The following PRKAR1B variants were observed in gnomAD, a reference collection of about 807,000 sequenced individuals.
PRKAR1B encodes the protein protein kinase cAMP-dependent type I regulatory subunit beta.
In PRKAR1B, 22 loss-of-function variants were observed where a neutral mutation model predicts 46.5. The observed-to-expected ratio is 0.47, with a 90% CI of 0.34 to 0.68. PRKAR1B has a LOEUF of 0.68. Ranked by LOEUF, PRKAR1B falls within the 30% of genes least tolerant of loss-of-function variation. The probability of loss-of-function intolerance (pLI) is 0.01; values close to 1 mark genes in which losing one functional copy is unlikely to be tolerated. For missense variants in PRKAR1B, 445 were observed against 535.6 expected (o/e 0.83, Z 1.67); for synonymous variants, 259 against 217.7 (o/e 1.19, Z -1.67).
intron 9 of PRKAR1B, among the ~76,000 whole-genome samples, chr7:556,618 G>A (rs573972567): frequency 5.4e-4 from 83 of 152,336 alleles, no homozygotes; most frequent in African/African-American, 1.8e-3. Context: ...CGAGGCGTCC[G>A]CGTTCATCCC....
rs1482082230 is a variant in PRKAR1B at position 667,372 on chromosome 7, G to C, written c.440+9857C>G. On this transcript the variant is annotated intron_variant, in intron 4 of 10. Coordinates refer to ENST00000537384, the MANE Select transcript of PRKAR1B (RefSeq NM_001164760.2). This position sits in a 1 kb window ranked among gnomAD's most constrained non-coding sequence, Gnocchi z 4.3. ...TCAGAGAATGTTATTACTTATAAAT[G>C]ACATCCACAACTCTCTCCTTCCAAA... 6.6e-6 allele frequency among the ~76,000 whole-genome samples: 1 copy of C among 152,154 alleles called. No homozygotes were observed. The highest frequency in any genetic ancestry group is 2.4e-5 in the African/African-American group (1 of 41,424).
chr7:668,012 C>T (rs1562601704), intron 4 of PRKAR1B, among the ~76,000 whole-genome samples: 1 of 152,188 alleles, frequency 6.6e-6, no homozygotes, highest in Non-Finnish European at 1.5e-5. Context: ...TATGTATCTC[C>T]CACACTGTTA....
At chr7:555,432 G>T (rs1257334827) in intron 9 of PRKAR1B, among the ~76,000 whole-genome samples, 1 of 152,224 alleles carries the variant, frequency 6.6e-6, no homozygotes, top group African/African-American at 2.4e-5. Context: ...GAAATCGGCA[G>T]CATAATTACC....
chr7:580,762 A>G (rs949690010), intron 8 of PRKAR1B, among the ~76,000 whole-genome samples: 1 of 149,432 alleles, frequency 6.7e-6, no homozygotes, highest in African/African-American at 2.4e-5. Flanking sequence ...AAAAAAAAAA[A>G]ACAAACGTTT....
rs180833417 is a variant in PRKAR1B, at chr7:689,808, T to C, written c.178-9082A>G. ...CATTCTCCTGCCTCAGCCTCTCGAG[T>C]AGCTGGGACTACAGGCACCCACCAC... On this transcript the variant is annotated intron_variant, in intron 2 of 10. Transcript: ENST00000537384. Among the ~76,000 whole-genome samples the C allele has an allele frequency of 4.0e-3, 603 of 151,914 alleles. 6 individuals carry two copies. The highest frequency in any genetic ancestry group is 7.1e-3 in the Non-Finnish European group (479 of 67,942).
chr7:561,143 ACACAC>A (rs200016235), intron 9 of PRKAR1B, among the ~76,000 whole-genome samples: 225 of 151,610 alleles, frequency 1.5e-3, no homozygotes, highest in African/African-American at 5.0e-3. Context: ...ACACACACAC[ACACAC>A]ACCTGTGCAC....
intron 2 of PRKAR1B, among the ~76,000 whole-genome samples, chr7:706,052 G>A (rs547035873): frequency 3.0e-4 from 45 of 152,114 alleles, no homozygotes; most frequent in African/African-American, 9.4e-4. Context: ...TGAGCCGGGC[G>A]TGGTGGCTCA....
intron 2 of PRKAR1B, among the ~76,000 whole-genome samples, chr7:684,151 C>T (rs1341893660): frequency 2.8e-5 from 4 of 143,754 alleles, no homozygotes; most frequent in African/African-American, 1.0e-4. Flanking sequence ...CCTCTGTGTA[C>T]ACCAATGCCC....
At chr7:709,350 CAT>C (rs977716972) in intron 2 of PRKAR1B, among the ~76,000 whole-genome samples, 2 of 149,572 alleles carry the variant, frequency 1.3e-5, no homozygotes, top group Non-Finnish European at 3.0e-5. Flanking sequence ...TGTGTGTATG[CAT>C]GTGTGTGTGT....
At chr7:620,114 A>T (rs1783036077) in intron 4 of PRKAR1B, among the ~76,000 whole-genome samples, 1 of 151,408 alleles carries the variant, frequency 6.6e-6, no homozygotes, top group South Asian at 2.1e-4. Context: ...TCAGCCTCCC[A>T]AAGTGCTGGG....
intron 4 of PRKAR1B, among the ~76,000 whole-genome samples, chr7:625,956 C>T (rs527624014): frequency 2.9e-4 from 43 of 145,818 alleles, no homozygotes; most frequent in African/African-American, 9.7e-4. Context: ...TGCAGTGAGC[C>T]GAGATCGCGC....
intron 2 of PRKAR1B, among the ~76,000 whole-genome samples, chr7:703,732 A>C (rs1236628733): frequency 2.0e-5 from 3 of 152,032 alleles, no homozygotes; most frequent in Non-Finnish European, 2.9e-5. Flanking sequence ...GACCTAACCA[A>C]CATTTCCAGA....
At chr7:688,517 G>A (rs971706602) in intron 2 of PRKAR1B, among the ~76,000 whole-genome samples, 7 of 152,090 alleles carry the variant, frequency 4.6e-5, no homozygotes, top group Admixed American at 1.3e-4. Flanking sequence ...AAGGCCCTGC[G>A]TGATCTGCCC....
rs748844364 is a variant in PRKAR1B at position 606,183 on chromosome 7, C to G, written c.549+10G>C. On this transcript the variant is annotated intron_variant, in intron 6 of 10. Coordinates refer to ENST00000537384, the MANE Select transcript of PRKAR1B (RefSeq NM_001164760.2). Reference sequence around the variant, plus strand: ...GCGCTATTTTCCAAAGACAAGTTAGCGACACTCACATCCACTTCCCCTTGA... The same window carrying G: ...GCGCTATTTTCCAAAGACAAGTTAGGGACACTCACATCCACTTCCCCTTGA... 1.2e-6 allele frequency: 2 copies of G among 1,613,556 alleles called. No homozygotes were observed. Among genetic ancestry groups the G allele is most frequent in the South Asian group, 1.1e-5 (1 of 91,008 alleles).
intron 9 of PRKAR1B, among the ~76,000 whole-genome samples, chr7:557,670 G>T (rs1020769873): frequency 6.6e-6 from 1 of 152,192 alleles, no homozygotes; most frequent in Non-Finnish European, 1.5e-5. Flanking sequence ...CGTACCCTCA[G>T]TTTCCGGGAG....
chr7:617,828 G>T (rs991047946), intron 4 of PRKAR1B, among the ~76,000 whole-genome samples: 1 of 152,154 alleles, frequency 6.6e-6, no homozygotes, highest in African/African-American at 2.4e-5. Flanking sequence ...CCTGGGCCCC[G>T]CGTAGCACTC....
rs1473463154 is a variant in PRKAR1B at position 593,954 on chromosome 7, G to A, written c.708+2192C>T. ...TCCACAAAACACAAGAGCCGGCATC[G>A]CCGTGGGGCCGGGACAGGCCAGCGC... On this transcript the variant is annotated intron_variant, in intron 7 of 10. Coordinates refer to ENST00000537384, the MANE Select transcript of PRKAR1B (RefSeq NM_001164760.2). The surrounding 1 kb of genome is among the most constrained non-coding windows in gnomAD (Gnocchi z 6.1). 2.0e-5 allele frequency among the ~76,000 whole-genome samples: 3 copies of A among 152,162 alleles called. No individual in the cohort carries two copies. The highest frequency in any genetic ancestry group is 4.4e-5 in the Non-Finnish European group (3 of 68,018).
chr7:570,299 C>CT (rs1437868187), intron 9 of PRKAR1B, among the ~76,000 whole-genome samples: 1 of 152,236 alleles, frequency 6.6e-6, no homozygotes, highest in Non-Finnish European at 1.5e-5. Context: ...GCACTTCTCA[C>CT]TTGGCTCTCA....
chr7:576,198 T>C (rs193075791), intron 9 of PRKAR1B, among the ~76,000 whole-genome samples: 226 of 141,450 alleles, frequency 1.6e-3, no homozygotes, highest in African/African-American at 5.4e-3. Flanking sequence ...CCTCTGCACA[T>C]GGGCAGGCGT....
Sources: gnomAD v4.1 joint callset for allele counts (sites outside exome capture counted in the v4.1 genomes callset) on GRCh38, gnomAD v4.1.1 for gene constraint, Gnocchi (gnomAD v3.1) non-coding constraint, MANE v1.5 for transcripts, NCBI Gene and HGNC (gene_info 2026-07-23, HGNC 2026-07-21) for gene names.